Variants in CENATAC observed in about 807,000 individuals in gnomAD.
CENATAC encodes coiled-coil domain containing 84.
CENATAC carries 53 observed loss-of-function variants against 53.7 expected under a neutral mutation model. The observed-to-expected ratio is 0.99, with a 90% CI of 0.79 to 1.24. The LOEUF is 1.24. Ranked by LOEUF, CENATAC falls within the 50% of genes most tolerant of loss-of-function variation. CENATAC has a pLI of 0.00. For missense variants in CENATAC, 474 were observed against 417.8 expected, an observed-to-expected ratio of 1.13 and a Z score of -1.17; for synonymous variants, 156 against 144.6, an observed-to-expected ratio of 1.08 and a Z score of -0.57.
At chr11:119,000,500 T>TA (rs36118122) in intron 3 of CENATAC, among the ~76,000 whole-genome samples, 2 of 151,172 alleles carry the variant, frequency 1.3e-5, no homozygotes, top group Admixed American at 6.6e-5. Context: ...TCTTTGCCTT[T>TA]AAAAAAAAAT....
chr11:119,006,738 C>A (rs1395265487), intron 3 of CENATAC, among the ~76,000 whole-genome samples: 1 of 152,194 alleles, frequency 6.6e-6, no homozygotes, highest in Non-Finnish European at 1.5e-5. Context: ...TGTGTCCCCA[C>A]CCAAATTTTT....
intron 8 of CENATAC, among the ~76,000 whole-genome samples, chr11:119,013,862 A>G (rs1943000037): frequency 6.6e-6 from 1 of 152,168 alleles, no homozygotes; most frequent in South Asian, 2.1e-4. Flanking sequence ...TTGATAAGGA[A>G]ACAACCCAAT....
At position 119,015,084 on chromosome 11, in the gene CENATAC, G is replaced by GT. The variant is rs782252178; in HGVS notation, c.805+2dup. ...TCCTATGAAGAATTTCTTAAAGAAA[G>GT]TAAGTAAACTAATTCAAGAGAGGAT... is the stretch of plus-strand genomic sequence containing the variant. On this transcript the variant is annotated splice_donor_variant, in intron 9 of 10. Coordinates refer to ENST00000334418, the MANE Select transcript of CENATAC (RefSeq NM_198489.3). LOFTEE classifies it high-confidence loss of function. 26 of 1,597,738 alleles carry GT rather than the reference G, an allele frequency of 1.6e-5. No homozygotes were observed. Among genetic ancestry groups the GT allele is most frequent in the South Asian group, 2.2e-5 (2 of 88,992 alleles).
intron 3 of CENATAC, chr11:119,003,329 A>C: frequency 1.9e-6 from 1 of 533,748 alleles, no homozygotes; most frequent in African/African-American, 1.9e-5. Context: ...GGCTAGTGAT[A>C]CGCGGATCTT....
In CENATAC at chr11:119,015,333, C is replaced by T; in HGVS notation, c.832C>T (p.Pro278Ser). ...EKEKQKLKKL[P>S]PDRVGANFDH... ...GGAAAAACAGAAGTTGAAAAAACTC[C>T]CCCCAGACCGAGTTGGGGCCAACTT... Residue 278 changes from proline to serine, a missense_variant, in exon 10 of 11, where the codon CCC (proline) becomes TCC (serine). Physicochemically the swap from Pro to Ser is moderately conservative, Grantham distance 74. Coordinates refer to ENST00000334418, the MANE Select transcript of CENATAC (RefSeq NM_198489.3). 2.5e-6 allele frequency: 4 copies of T among 1,613,226 alleles called. No homozygotes were observed. In the South Asian group the frequency reaches 4.4e-5, roughly 18 times the overall value.
intron 8 of CENATAC, 105 bp from the exon 9 acceptor site, chr11:119,014,889 A>G (rs1177670129): frequency 2.7e-6 from 2 of 729,842 alleles, no homozygotes; most frequent in Non-Finnish European, 4.4e-6. Context: ...TTGCTTTTAG[A>G]CATTTCTAGC....
In CENATAC at chr11:119,011,895, C is replaced by G. The variant is rs781900183; in HGVS notation, c.514-44C>G. ...GGTGGAGGCATGGCCTAGGCAGGCT[C>G]TTAAGCATCCCAGACACATTTATTT... is the stretch of plus-strand genomic sequence containing the variant. On this transcript the variant is annotated intron_variant, in intron 5 of 10. Transcript: ENST00000334418. 9 of 1,585,732 alleles carry G rather than the reference C, an allele frequency of 5.7e-6. No homozygotes were observed. In the South Asian group the frequency reaches 8.9e-5, roughly 16 times the overall value.
At chr11:118,999,325 T>C (rs1219103874) in intron 3 of CENATAC, 1 of 492,140 alleles carries the variant, frequency 2.0e-6, no homozygotes, top group East Asian at 3.2e-5. Context: ...TAGAGAACAA[T>C]ACTAAAAGTT....
intron 4 of CENATAC, 27 bp downstream of exon 4, chr11:119,010,857 C>T: frequency 1.2e-6 from 2 of 1,604,172 alleles, no homozygotes; most frequent in Admixed American, 1.7e-5. Flanking sequence ...GTCCCTCACC[C>T]TTTTTGCACC....
chr11:119,005,009 G>A (rs1327038139), intron 3 of CENATAC: 1 of 151,964 alleles, frequency 6.6e-6, no homozygotes, highest in Non-Finnish European at 1.5e-5. Flanking sequence ...GGAGTGAGCT[G>A]TGATCACACC....
Position 119,015,612 on chromosome 11 carries a change from CAACT to C in CENATAC, c.*16_*19del, listed in dbSNP as rs1943129613. On this transcript the variant is annotated 3_prime_UTR_variant, in exon 11 of 11. Transcript: ENST00000334418. Reference sequence around the variant, plus strand: ...GAAAAAAGCTAATCATGCTCTCTACCAACTACCATGAGGCTAAAAGCAAAGTCAA... The same window carrying C: ...GAAAAAAGCTAATCATGCTCTCTACCACCATGAGGCTAAAAGCAAAGTCAA... 12 of 1,613,644 alleles carry C rather than the reference CAACT, an allele frequency of 7.4e-6. No individual in the cohort carries two copies. The highest frequency in any genetic ancestry group is 9.3e-6 in the Non-Finnish European group (11 of 1,179,678).
intron 8 of CENATAC, among the ~76,000 whole-genome samples, 200 bp downstream of exon 8, chr11:119,013,462 ATT>A (rs34471457): frequency 0.15 from 19,453 of 126,334 alleles, 1,442 homozygotes; most frequent in Middle Eastern, 0.24. Flanking sequence ...CACCCAGCTA[ATT>A]TTTTTTTTTT....
chr11:119,013,207 CT>C, intron 7 of CENATAC, 24 bp from the exon 8 acceptor site: 19 of 1,590,608 alleles, frequency 1.2e-5, no homozygotes, highest in South Asian at 4.5e-5. Context: ...TTAACTAGCA[CT>C]TTTTTTCCCA....
At position 119,015,278 on chromosome 11, in the gene CENATAC, AAAAT is replaced by A. The variant is rs782199843; in HGVS notation, c.806-25_806-22del. 3.8e-6 allele frequency: 6 copies of A among 1,582,202 alleles called. No homozygotes were observed. In the Admixed American group the frequency reaches 7.6e-5, roughly 20 times the overall value. ...CCATCTCTATATTCTTCAATAAAGA[AAAAT>A]AAAAGTTTCCCTATCATTGTACAGA... is the stretch of plus-strand genomic sequence containing the variant. On this transcript the variant is annotated intron_variant, in intron 9 of 10. Transcript: ENST00000334418.
chr11:118,999,080 G>C lies in CENATAC; in HGVS notation c.354G>C (p.Lys118Asn). The part of the protein sequence containing the change: ...ENKAEVQMKE[K>N]FLVTPQDYAR... ...AAGCTGAGGTCCAGATGAAAGAGAA[G>C]TTTCTGGTCACTCCCCAGGATTATG... The change falls in exon 3 of 11, where the codon AAG becomes AAC. Residue 118 changes from lysine to asparagine, a missense_variant. Coordinates refer to ENST00000334418, the MANE Select transcript of CENATAC (RefSeq NM_198489.3). 1 of 1,614,132 alleles carries C rather than the reference G, an allele frequency of 6.2e-7. No homozygotes were observed. The highest frequency in any genetic ancestry group is 8.5e-7 in the Non-Finnish European group (1 of 1,179,988).
At chr11:119,005,496 A>G (rs1417917012) in intron 3 of CENATAC, among the ~76,000 whole-genome samples, 5 of 151,520 alleles carry the variant, frequency 3.3e-5, no homozygotes, top group Non-Finnish European at 5.9e-5. Context: ...TTTTTTTACA[A>G]TTCCACATTG....
At chr11:119,013,777 TA>T (rs1164926614) in intron 8 of CENATAC, among the ~76,000 whole-genome samples, 266 of 151,164 alleles carry the variant, frequency 1.8e-3, no homozygotes, top group African/African-American at 6.3e-3. Context: ...TTTTTTTTTT[TA>T]AATAAAGTTG....
Position 119,013,251 on chromosome 11 carries a change from A to C in CENATAC, c.704A>C (p.Asn235Thr), listed in dbSNP as rs76783804. 6.2e-7 allele frequency: 1 copy of C among 1,610,616 alleles called. No individual in the cohort carries two copies. The highest frequency in any genetic ancestry group is 1.1e-5 in the South Asian group (1 of 90,520). ...IGHQDIPGVG[N>T]IHSGATPPWM... The stretch of plus-strand genomic sequence containing the variant: ...CTACAGGATATACCAGGAGTTGGTA[A>C]CATCCACTCAGGTAAGGTCCAGGGC... Residue 235 changes from asparagine to threonine, a missense_variant, in exon 8 of 11, where the codon AAC (asparagine) becomes ACC (threonine). Physicochemically the swap from Asn to Thr is moderately conservative, Grantham distance 65 (BLOSUM62 0). Transcript: ENST00000334418.
chr11:118,998,315 C>A lies in CENATAC; in HGVS notation c.118C>A (p.Gln40Lys), dbSNP rs1471804365. 6.2e-7 allele frequency: 1 copy of A among 1,609,816 alleles called. No homozygotes were observed. Among genetic ancestry groups the A allele is most frequent in the Non-Finnish European group, 8.5e-7 (1 of 1,178,180 alleles). ...LKEALERLLP[Q>K]VEAARKAIRA... The stretch of plus-strand genomic sequence containing the variant: ...GGAGGCTTTGGAGAGGCTCCTGCCC[C>A]AGGTGCGGAGGCAAGGCTAGAGATG... Residue 40 changes from glutamine (Q) to lysine (K), a missense_variant and splice_region_variant, in exon 1 of 11, where the codon CAG becomes AAG. Physicochemically the swap from Gln to Lys is moderately conservative, Grantham distance 53. Coordinates refer to ENST00000334418, the MANE Select transcript of CENATAC (RefSeq NM_198489.3).
Sources: allele counts gnomAD v4.1 joint callset (sites outside exome capture counted in the v4.1 genomes callset), GRCh38; gene constraint gnomAD v4.1.1; transcripts MANE v1.5; gene names NCBI Gene and HGNC (gene_info 2026-07-23, HGNC 2026-07-21).